The following KCNH1 variants were observed in gnomAD, a reference collection of about 807,000 sequenced individuals.
KCNH1 encodes the protein potassium voltage-gated channel subfamily H member 1, also known as voltage-gated delayed rectifier potassium channel KCNH1.
KCNH1 carries 27 observed loss-of-function variants against 69.2 expected under a neutral mutation model. That is an observed-to-expected ratio of 0.39 (90% confidence interval 0.29 to 0.54). KCNH1 has a LOEUF of 0.54. KCNH1 is among the 20% of genes least tolerant of loss of function. The pLI is 0.68. For missense variants in KCNH1, 798 were observed against 1,261.6 expected, an observed-to-expected ratio of 0.63 and a Z score of 5.57; for synonymous variants, 456 against 487.7, an observed-to-expected ratio of 0.93 and a Z score of 0.86.
At chr1:210,868,925 C>T (rs139414753) in intron 7 of KCNH1, among the ~76,000 whole-genome samples, 51 of 152,198 alleles carry the variant, frequency 3.4e-4, no homozygotes, top group African/African-American at 1.2e-3. Context: ...ATTTGCCTTG[C>T]ATCTGAAGAA....
At chr1:210,706,785 G>A (rs1474425801) in intron 10 of KCNH1, among the ~76,000 whole-genome samples, 1 of 152,232 alleles carries the variant, frequency 6.6e-6, no homozygotes, top group African/African-American at 2.4e-5. Flanking sequence ...CACCCCAGGT[G>A]GATGCTGTTA....
At chr1:210,898,687 G>T (rs549290459) in intron 7 of KCNH1, among the ~76,000 whole-genome samples, 2 of 151,902 alleles carry the variant, frequency 1.3e-5, no homozygotes, top group East Asian at 3.9e-4. Context: ...GCGGCGGGGG[G>T]GGGTCCTGTC....
intron 7 of KCNH1, among the ~76,000 whole-genome samples, chr1:210,844,546 C>T (rs1685496362): frequency 6.6e-6 from 1 of 152,170 alleles, no homozygotes; most frequent in African/African-American, 2.4e-5. Flanking sequence ...AAAGACACAA[C>T]ATACCAGAAT....
intron 10 of KCNH1, among the ~76,000 whole-genome samples, chr1:210,753,909 A>ATTTTTTTTTTTTTTTTTT: frequency 7.1e-6 from 1 of 140,896 alleles, no homozygotes; most frequent in Non-Finnish European, 1.5e-5. Context: ...TATCAGACTA[A>ATTTTTTTTTTTTTTTTTT]TTTTTTTTTT....
chr1:211,025,386 G>GAACA (rs1290912502), intron 5 of KCNH1, among the ~76,000 whole-genome samples: 3 of 152,040 alleles, frequency 2.0e-5, no homozygotes, highest in Non-Finnish European at 4.4e-5. Context: ...TTGGGTAGAG[G>GAACA]AACACTTTCC....
chr1:211,111,191 G>C (rs1293769658), intron 1 of KCNH1, among the ~76,000 whole-genome samples: 1 of 152,174 alleles, frequency 6.6e-6, no homozygotes. Context: ...TCACAAAAAT[G>C]TTCTGATAAC....
At chr1:210,858,564 A>G (rs994731989) in intron 7 of KCNH1, 1 of 152,290 alleles carries the variant, frequency 6.6e-6, no homozygotes, top group Non-Finnish European at 1.5e-5. Context: ...TAACTCATTT[A>G]CAGAGTTTTA....
At chr1:210,693,410 T>G (rs887634735) in intron 10 of KCNH1, among the ~76,000 whole-genome samples, 2 of 152,152 alleles carry the variant, frequency 1.3e-5, no homozygotes, top group Non-Finnish European at 2.9e-5. Context: ...GTGAAGTAGA[T>G]AATCAGGCCG....
At position 211,131,338 on chromosome 1, in the gene KCNH1, G is replaced by C. The variant is rs1470655994; in HGVS notation, c.79+2529C>G. 2.0e-5 allele frequency among the ~76,000 whole-genome samples: 3 copies of C among 152,150 alleles called. No individual in the cohort carries two copies. The East Asian group carries it at 5.8e-4, about 29-fold the overall frequency. Reference sequence around the variant, plus strand: ...TCCACAGACTAAGTCATAAAAGCTGGAGAAATTATAATGCTGAGAGAAGGA... The same window carrying C: ...TCCACAGACTAAGTCATAAAAGCTGCAGAAATTATAATGCTGAGAGAAGGA... On this transcript the variant is annotated intron_variant, in intron 1 of 10. Coordinates refer to ENST00000271751, the MANE Select transcript of KCNH1 (RefSeq NM_172362.3).
intron 1 of KCNH1, among the ~76,000 whole-genome samples, chr1:211,115,730 TACACAC>T (rs1553381313): frequency 3.7e-4 from 32 of 86,806 alleles, no homozygotes; most frequent in South Asian, 9.9e-4. Flanking sequence ...TATATATATA[TACACAC>T]ACACACACAC....
chr1:210,770,121 T>A (rs1683722655), intron 10 of KCNH1, among the ~76,000 whole-genome samples: 2 of 151,928 alleles, frequency 1.3e-5, no homozygotes, highest in Non-Finnish European at 1.5e-5. Context: ...AAACACCACA[T>A]GTTCTCATTC....
At chr1:210,880,985 A>G (rs557529910) in intron 7 of KCNH1, among the ~76,000 whole-genome samples, 1 of 152,028 alleles carries the variant, frequency 6.6e-6, no homozygotes, top group East Asian at 1.9e-4. Context: ...CACATCATAT[A>G]CCATCAGGGA....
At chr1:210,796,003 A>AC (rs56321893) in intron 9 of KCNH1, among the ~76,000 whole-genome samples, 2 of 147,210 alleles carry the variant, frequency 1.4e-5, no homozygotes, top group African/African-American at 2.6e-5. Flanking sequence ...ACACACACAC[A>AC]AATTAGCTGG....
chr1:210,853,857 G>A (rs1350263763), intron 7 of KCNH1, among the ~76,000 whole-genome samples: 1 of 141,142 alleles, frequency 7.1e-6, no homozygotes, highest in East Asian at 2.1e-4. Context: ...ATTGTTTGTT[G>A]AGCATTTTCA....
intron 4 of KCNH1, among the ~76,000 whole-genome samples, chr1:211,083,164 G>A (rs1329336188): frequency 6.6e-6 from 1 of 152,248 alleles, no homozygotes; most frequent in East Asian, 1.9e-4. Flanking sequence ...TTTACAAATA[G>A]GGAGACTAAG....
chr1:210,978,587 A>G (rs1181559167), intron 6 of KCNH1, among the ~76,000 whole-genome samples: 1 of 152,154 alleles, frequency 6.6e-6, no homozygotes, highest in Non-Finnish European at 1.5e-5. Flanking sequence ...TCCCCACTTG[A>G]AGGTTATTGT....
chr1:210,862,286 C>A, intron 7 of KCNH1: 1 of 913,982 alleles, frequency 1.1e-6, no homozygotes, highest in Admixed American at 1.8e-5. Flanking sequence ...GGGTCCATTG[C>A]AGCATGAACT....
chr1:210,938,504 CCT>C (rs1412711970), intron 6 of KCNH1, among the ~76,000 whole-genome samples: 6 of 152,112 alleles, frequency 3.9e-5, no homozygotes, highest in African/African-American at 1.4e-4. Context: ...GCAATATCTC[CCT>C]CTGTCTTCTA....
At chr1:210,964,210 T>TA (rs1688352273) in intron 6 of KCNH1, among the ~76,000 whole-genome samples, 1 of 152,148 alleles carries the variant, frequency 6.6e-6, no homozygotes. Flanking sequence ...GAAGGAGGAA[T>TA]AAAATCCTTT....
Sources: gnomAD v4.1 joint callset for allele counts (sites outside exome capture counted in the v4.1 genomes callset) on GRCh38, gnomAD v4.1.1 for gene constraint, MANE v1.5 for transcripts, NCBI Gene and HGNC (gene_info 2026-07-23, HGNC 2026-07-21) for gene names.